LDB2: variants seen among roughly 807,000 people sequenced by gnomAD.
LDB2 encodes LIM domain-binding protein 2.
In LDB2, 12 loss-of-function variants were observed where a neutral mutation model predicts 44.3. That is an observed-to-expected ratio of 0.27 (90% confidence interval 0.17 to 0.44). LDB2 has a LOEUF of 0.44. Among genes scored for constraint, LDB2 ranks in the 20% least tolerant of loss-of-function variants. The pLI is 1.00. For missense variants in LDB2, 344 were observed against 473.5 expected, an observed-to-expected ratio of 0.73 and a Z score of 2.54; for synonymous variants, 164 against 174.8, an observed-to-expected ratio of 0.94 and a Z score of 0.49.
At chr4:16,768,189 ATG>A (rs977741467) in intron 1 of LDB2, among the ~76,000 whole-genome samples, 8 of 152,124 alleles carry the variant, frequency 5.3e-5, no homozygotes, top group African/African-American at 1.7e-4. Flanking sequence ...TTCCTTGAAA[ATG>A]TGTTTTTTTT....
intron 2 of LDB2, among the ~76,000 whole-genome samples, chr4:16,664,897 A>T (rs1453688663): frequency 6.6e-6 from 1 of 152,244 alleles, no homozygotes; most frequent in Non-Finnish European, 1.5e-5. Context: ...GTAGATGAAC[A>T]GAAAACACAC....
chr4:16,664,763 A>C (rs1742559870), intron 2 of LDB2, among the ~76,000 whole-genome samples: 1 of 152,218 alleles, frequency 6.6e-6, no homozygotes, highest in South Asian at 2.1e-4. Flanking sequence ...AGGTGCCTGC[A>C]TTGTAATGAA....
At chr4:16,608,885 G>T (rs962312882) in intron 2 of LDB2, among the ~76,000 whole-genome samples, 1 of 152,132 alleles carries the variant, frequency 6.6e-6, no homozygotes, top group African/African-American at 2.4e-5. Flanking sequence ...CACAGCTCAG[G>T]CTTCTCTCTC....
intron 5 of LDB2, among the ~76,000 whole-genome samples, chr4:16,580,646 A>C (rs1220663871): frequency 1.3e-5 from 2 of 152,242 alleles, no homozygotes; most frequent in East Asian, 3.9e-4. Context: ...AGACTACCCC[A>C]AATCATCAGA....
At chr4:16,875,024 T>C (rs1408524156) in intron 1 of LDB2, among the ~76,000 whole-genome samples, 1 of 152,112 alleles carries the variant, frequency 6.6e-6, no homozygotes, top group East Asian at 1.9e-4. Flanking sequence ...GCCATAGACA[T>C]GTATGTTATC....
chr4:16,756,073 A>C (rs1017776468), intron 2 of LDB2, among the ~76,000 whole-genome samples: 11 of 152,228 alleles, frequency 7.2e-5, no homozygotes, highest in Non-Finnish European at 1.6e-4. Context: ...TGCTTTCTGA[A>C]TGAAAGGAAC....
intron 2 of LDB2, among the ~76,000 whole-genome samples, chr4:16,711,774 G>A (rs1755922175): frequency 1.3e-5 from 2 of 152,164 alleles, no homozygotes. Context: ...TCAAAGTACA[G>A]AAACAAACCC....
intron 1 of LDB2, among the ~76,000 whole-genome samples, chr4:16,806,438 C>A (rs1778807835): frequency 6.6e-6 from 1 of 152,156 alleles, no homozygotes; most frequent in African/African-American, 2.4e-5. Context: ...ATGAAAGTTA[C>A]CAATAAATGC....
At chr4:16,856,962 C>A (rs549619990) in intron 1 of LDB2, among the ~76,000 whole-genome samples, 1 of 152,274 alleles carries the variant, frequency 6.6e-6, no homozygotes, top group South Asian at 2.1e-4. Context: ...TTTCCTTATA[C>A]AGATTCCTCA....
intron 1 of LDB2, 148 bp from the exon 2 acceptor site, chr4:16,759,408 C>T (rs1042471405): frequency 1.2e-5 from 7 of 595,990 alleles, no homozygotes; most frequent in African/African-American, 3.7e-5. Flanking sequence ...GGTAGGTGGG[C>T]GGTCACTCTT....
At chr4:16,889,321 A>T (rs576892569) in intron 1 of LDB2, 18 of 152,322 alleles carry the variant, frequency 1.2e-4, no homozygotes, top group African/African-American at 4.3e-4. Context: ...TCCCAGGTAG[A>T]TATAGAGAGA....
At chr4:16,574,961 T>A (rs532448832) in intron 5 of LDB2, among the ~76,000 whole-genome samples, 1 of 150,918 alleles carries the variant, frequency 6.6e-6, no homozygotes, top group African/African-American at 2.5e-5. Flanking sequence ...TTATTTGTCT[T>A]CTTCTTATTA....
At chr4:16,708,347 A>G (rs1755084068) in intron 2 of LDB2, among the ~76,000 whole-genome samples, 1 of 152,092 alleles carries the variant, frequency 6.6e-6, no homozygotes, top group Non-Finnish European at 1.5e-5. Flanking sequence ...TTTGAAAATT[A>G]AAACACACAC....
At chr4:16,691,771 GA>G (rs1560897230) in intron 2 of LDB2, among the ~76,000 whole-genome samples, 10 of 152,180 alleles carry the variant, frequency 6.6e-5, no homozygotes. Context: ...ATAAAAGGGA[GA>G]AGTTAACTCA....
intron 2 of LDB2, among the ~76,000 whole-genome samples, chr4:16,688,519 A>T (rs1469399758): frequency 6.6e-6 from 1 of 152,208 alleles, no homozygotes; most frequent in Non-Finnish European, 1.5e-5. Flanking sequence ...ACAAAATGGC[A>T]TTTTGTTTTA....
chr4:16,737,888 C>A (rs568694903), intron 2 of LDB2, among the ~76,000 whole-genome samples: 3 of 152,224 alleles, frequency 2.0e-5, no homozygotes, highest in South Asian at 4.1e-4. Context: ...ATGTCCCTTG[C>A]ATTTCTTCTC....
At chr4:16,614,070 A>C (rs1726442153) in intron 2 of LDB2, among the ~76,000 whole-genome samples, 1 of 152,196 alleles carries the variant, frequency 6.6e-6, no homozygotes, top group Admixed American at 6.5e-5. Flanking sequence ...CAAAACAGAC[A>C]TACAGACCAA....
In LDB2 at chr4:16,659,665, ATGTG is replaced by A. The variant is rs1285754753; in HGVS notation, c.236-63794_236-63791del. ...TACACACACACATATGAGTATATCT[ATGTG>A]TGTATATATATATATATATATATGT... On this transcript the variant is annotated intron_variant, in intron 2 of 7. Coordinates refer to ENST00000304523, the MANE Select transcript of LDB2 (RefSeq NM_001290.5). Among the ~76,000 whole-genome samples the A allele has an allele frequency of 1.7e-3, 178 of 104,540 alleles. 4 individuals carry two copies. The highest frequency in any genetic ancestry group is 5.3e-3 in the African/African-American group (172 of 32,578). 68.6% of individuals were successfully genotyped at this position (104,540 alleles called of 152,430 possible). A position where few individuals can be genotyped will look rare whatever the true frequency, so the allele number is the denominator to read the frequency against.
At chr4:16,763,875 T>C (rs1490751712) in intron 1 of LDB2, among the ~76,000 whole-genome samples, 1 of 152,158 alleles carries the variant, frequency 6.6e-6, no homozygotes, top group Admixed American at 6.5e-5. Context: ...TGTTTGCTTG[T>C]TGGGTAAGTG....
Sources: gnomAD v4.1 joint callset for allele counts (sites outside exome capture counted in the v4.1 genomes callset) on GRCh38, gnomAD v4.1.1 for gene constraint, MANE v1.5 for transcripts, NCBI Gene and HGNC (gene_info 2026-07-23, HGNC 2026-07-21) for gene names.